Variants in DSCAML1 observed in about 807,000 individuals in gnomAD.
The protein encoded by DSCAML1 is cell adhesion molecule DSCAML1.
Under a neutral mutation model 200.5 loss-of-function variants are expected in DSCAML1, and 38 were observed. The observed-to-expected ratio is 0.19, with a 90% CI of 0.15 to 0.25. The LOEUF (loss-of-function observed/expected upper bound fraction) is 0.25, where lower values mean the gene tolerates loss of function less well. Among genes scored for constraint, DSCAML1 ranks in the 10% least tolerant of loss-of-function variants. The pLI, the probability that DSCAML1 is intolerant of heterozygous loss-of-function variation, is 1.00. For synonymous variants in DSCAML1, 1,215 were observed against 1,165.0 expected, an observed-to-expected ratio of 1.04 and a Z score of -0.87; for missense variants, 2,223 against 2,858.8, an observed-to-expected ratio of 0.78 and a Z score of 5.07.
rs771889195 is a variant in DSCAML1 at position 117,482,016 on chromosome 11, G to A, written c.2506C>T (p.Arg836Trp). The change falls in exon 12 of 33, where the codon CGG becomes TGG. Residue 836 changes from arginine (R) to tryptophan (W), a missense_variant. Transcript: ENST00000651296. ...DTVIDPDRVM[R>W]YAIATKDNGD... The stretch of plus-strand genomic sequence containing the variant: ...TTGTCCTTGGTGGCGATGGCATACC[G>A]CATGACGCGGTCAGGGTCGATGACT... 17 of 1,614,070 alleles carry A rather than the reference G, an allele frequency of 1.1e-5. No individual in the cohort carries two copies. Among genetic ancestry groups the A allele is most frequent in the Admixed American group, 3.3e-5 (2 of 60,012 alleles).
chr11:117,796,449 T>C (rs1179362398), intron 1 of DSCAML1, among the ~76,000 whole-genome samples: 1 of 152,164 alleles, frequency 6.6e-6, no homozygotes, highest in African/African-American at 2.4e-5. Flanking sequence ...AGAACAAACT[T>C]GCTATCCGAG....
intron 3 of DSCAML1, among the ~76,000 whole-genome samples, chr11:117,556,902 G>A (rs2050568468): frequency 6.6e-6 from 1 of 152,166 alleles, no homozygotes; most frequent in Admixed American, 6.5e-5. Context: ...ATCCCTTTTT[G>A]TTGGATTAAA....
At position 117,446,462 on chromosome 11, in the gene DSCAML1, C is replaced by T. The variant is rs144635505; in HGVS notation, c.3709-2423G>A. 3.6e-3 allele frequency among the ~76,000 whole-genome samples: 548 copies of T among 152,180 alleles called. 6 individuals are homozygous for T. Among genetic ancestry groups the T allele is most frequent in the African/African-American group, 0.012 (517 of 41,524 alleles). ...TTATATGACAGAAAATGGCTATTAT[C>T]CTTAATATGTAAAGAACACTTATAA... On this transcript the variant is annotated intron_variant, in intron 20 of 32. Transcript: ENST00000651296.
intron 3 of DSCAML1, among the ~76,000 whole-genome samples, chr11:117,690,524 C>T (rs1345916145): frequency 2.6e-5 from 4 of 152,258 alleles, no homozygotes; most frequent in African/African-American, 7.2e-5. Flanking sequence ...TCTGAGATTT[C>T]CGAGCTGGAA....
chr11:117,521,424 A>G lies in DSCAML1; in HGVS notation c.938-19T>C, dbSNP rs764986484. ...AGGGGATCTGGGCCGGGCCAGGGAG[A>G]CGTGAGGGGAAATGGGAGGGAGGAA... On this transcript the variant is annotated intron_variant, in intron 5 of 32. Coordinates refer to ENST00000651296, the MANE Select transcript of DSCAML1 (RefSeq NM_020693.4). 1.2e-6 allele frequency: 2 copies of G among 1,605,144 alleles called. No homozygotes were observed. The highest frequency in any genetic ancestry group is 2.2e-5 in the East Asian group (1 of 44,626).
chr11:117,614,734 A>G (rs2051774527), intron 3 of DSCAML1, among the ~76,000 whole-genome samples: 1 of 152,248 alleles, frequency 6.6e-6, no homozygotes, highest in Non-Finnish European at 1.5e-5. Flanking sequence ...TGCCCAACGC[A>G]GTCTGACTTC....
Position 117,625,281 on chromosome 11 carries a change from C to T in DSCAML1, c.512-92759G>A, listed in dbSNP as rs115782147. Reference sequence around the variant, plus strand: ...CTGGCTTTCAAAACACCTCTCCCACCTACTTCCTAACACCTGCAGCTCCTT... The same window carrying T: ...CTGGCTTTCAAAACACCTCTCCCACTTACTTCCTAACACCTGCAGCTCCTT... On this transcript the variant is annotated intron_variant, in intron 3 of 32. Transcript: ENST00000651296. 5.0e-3 allele frequency among the ~76,000 whole-genome samples: 755 copies of T among 152,254 alleles called. 6 individuals are homozygous for T. The highest frequency in any genetic ancestry group is 0.017 in the African/African-American group (708 of 41,548).
chr11:117,503,747 T>C lies in DSCAML1; in HGVS notation c.2359+98A>G, dbSNP rs1459257279. ...AGCCTTCCTGCCTCCCCTTCATAGA[T>C]GAAACGACGGAGACTAAGAGAGTAG... On this transcript the variant is annotated intron_variant, in intron 11 of 32. Transcript: ENST00000651296. The surrounding 1 kb of genome is among the most constrained non-coding windows in gnomAD (Gnocchi z 5.2). The C allele has an allele frequency of 2.9e-6, 4 of 1,374,952 alleles. No homozygotes were observed. The highest frequency in any genetic ancestry group is 1.4e-5 in the African/African-American group (1 of 69,196). The allele number at this position is 1,374,952 out of a possible 1,614,324, so 85.2% of individuals were successfully genotyped here.
intron 19 of DSCAML1, among the ~76,000 whole-genome samples, chr11:117,456,690 T>C (rs1231970894): frequency 6.7e-6 from 1 of 150,218 alleles, no homozygotes; most frequent in African/African-American, 2.5e-5. Context: ...TTTTTTTCTT[T>C]TTGAGATGGA....
chr11:117,732,445 G>A (rs141362278), intron 3 of DSCAML1, among the ~76,000 whole-genome samples: 2 of 152,256 alleles, frequency 1.3e-5, no homozygotes, highest in East Asian at 3.9e-4. Context: ...TGTAACCTGA[G>A]GGTAAGATTA....
intron 19 of DSCAML1, among the ~76,000 whole-genome samples, chr11:117,455,547 C>A (rs1004901645): frequency 1.3e-5 from 2 of 152,184 alleles, no homozygotes; most frequent in Non-Finnish European, 2.9e-5. Context: ...TCCAGCCAAG[C>A]CAGCCTGAAA....
intron 14 of DSCAML1, among the ~76,000 whole-genome samples, chr11:117,472,290 C>T (rs1351735677): frequency 6.6e-6 from 1 of 152,118 alleles, no homozygotes; most frequent in Non-Finnish European, 1.5e-5. Flanking sequence ...AGGCAGAGGT[C>T]GGACGAGACG....
chr11:117,428,742 T>A lies in DSCAML1; in HGVS notation c.5748A>T (p.Gly1916=), dbSNP rs1289112741. 1.9e-6 allele frequency: 3 copies of A among 1,612,780 alleles called. No homozygotes were observed. In the South Asian group the frequency reaches 3.3e-5, roughly 18 times the overall value. The change falls in exon 33 of 33, where the codon GGA becomes GGT. Residue 1916 remains glycine (G), a synonymous_variant. Transcript: ENST00000651296. The part of the protein sequence containing the change: ...KSEAFFRKAD[G]REPCPVVPPR... ...GTGGGACCACGGGGCAGGGCTCACG[T>A]CCATCTGCCTTTCGAAAGAAGGCCT...
chr11:117,746,428 C>T (rs1054642789), intron 3 of DSCAML1, among the ~76,000 whole-genome samples: 20 of 152,052 alleles, frequency 1.3e-4, no homozygotes, highest in African/African-American at 4.1e-4. Context: ...TGCCTTGGCA[C>T]GCTGCTCTGT....
intron 4 of DSCAML1, among the ~76,000 whole-genome samples, chr11:117,530,693 AAGTGGTCCTGGAG>A (rs763873299): frequency 9.9e-5 from 15 of 152,116 alleles, no homozygotes; most frequent in Middle Eastern, 3.2e-3. Flanking sequence ...AGACAAGTGG[AAGTGGTCCTGGAG>A]AGAGTCTCTG....
chr11:117,690,405 C>G (rs116826594), intron 3 of DSCAML1, among the ~76,000 whole-genome samples: 6 of 152,342 alleles, frequency 3.9e-5, no homozygotes, highest in Admixed American at 3.3e-4. Flanking sequence ...ACAGACCTCC[C>G]AAGGGATGGA....
At chr11:117,744,541 G>A (rs1022537045) in intron 3 of DSCAML1, among the ~76,000 whole-genome samples, 1 of 152,218 alleles carries the variant, frequency 6.6e-6, no homozygotes, top group African/African-American at 2.4e-5. Flanking sequence ...CCATCGGAAG[G>A]GACTTTAGCG....
chr11:117,809,893 ACC>A, intron 1 of DSCAML1, among the ~76,000 whole-genome samples: 1 of 150,590 alleles, frequency 6.6e-6, no homozygotes, highest in African/African-American at 2.4e-5. Context: ...ACACACACAC[ACC>A]CACACACTCA....
At position 117,516,691 on chromosome 11, in the gene DSCAML1, C is replaced by T. The variant is rs777504529; in HGVS notation, c.1559G>A (p.Arg520Gln). 53 of 1,613,874 alleles carry T rather than the reference C, an allele frequency of 3.3e-5. No individual in the cohort carries two copies. The highest frequency in any genetic ancestry group is 4.1e-5 in the Non-Finnish European group (48 of 1,180,002). ...GACCCTGCAGTTGATAAGGGTGTCC[C>T]GCCCGGCGACTGCTGTGATGTTCCG... Reference protein sequence around the residue: ...AMRNITAVAGRDTLINCRVIG... With the variant: ...AMRNITAVAGQDTLINCRVIG... Residue 520 changes from arginine to glutamine, a missense_variant, in exon 8 of 33, where the codon CGG becomes CAG. Transcript: ENST00000651296. The surrounding 1 kb of genome is among the most constrained non-coding windows in gnomAD (Gnocchi z 5.7).
Sources: gnomAD v4.1 joint callset for allele counts (sites outside exome capture counted in the v4.1 genomes callset) on GRCh38, gnomAD v4.1.1 for gene constraint, Gnocchi (gnomAD v3.1) non-coding constraint, MANE v1.5 for transcripts, NCBI Gene and HGNC (gene_info 2026-07-23, HGNC 2026-07-21) for gene names.